Variants in AOX1 observed in about 807,000 individuals in gnomAD.
The protein encoded by AOX1 is aldehyde oxidase 1.
A neutral mutation model predicts 169.5 loss-of-function variants in AOX1; 153 were observed. The ratio of observed to expected loss-of-function variants is 0.90; its 90% CI spans 0.79 to 1.03. AOX1 has a LOEUF of 1.03. Ranked by LOEUF, AOX1 falls within the 50% of genes least tolerant of loss-of-function variation. The pLI is 0.00. For synonymous variants in AOX1, 562 were observed against 581.9 expected (o/e 0.97, Z 0.49); for missense variants, 1,656 against 1,663.9 (o/e 1.00, Z 0.08).
In AOX1 at chr2:200,621,202, T is replaced by C; in HGVS notation, c.1957T>C (p.Phe653Leu). 1.2e-6 allele frequency: 2 copies of C among 1,613,994 alleles called. No homozygotes were observed. The highest frequency in any genetic ancestry group is 2.2e-5 in the East Asian group (1 of 44,880). ...TAEHLSDVNS[F>L]CFFTEAEKFL... ...AGAACATCTTAGTGACGTCAACTCC[T>C]TCTGCTTTTTTACTGAAGCTGAGAA... Residue 653 changes from phenylalanine to leucine, a missense_variant, in exon 18 of 35, where the codon TTC becomes CTC. Physicochemically the swap from Phe to Leu is conservative, Grantham distance 22. Transcript: ENST00000374700.
chr2:200,602,008 G>C (rs1315727798), intron 5 of AOX1, among the ~76,000 whole-genome samples: 2 of 151,754 alleles, frequency 1.3e-5, no homozygotes, highest in African/African-American at 4.8e-5. Context: ...CAAGTTTTTG[G>C]TTTGAAATTA....
Position 200,657,173 on chromosome 2 carries a change from T to A in AOX1, c.3171+236T>A, listed in dbSNP as rs1331828971. ...ATTCCATCTCTACCAAAAATATATA[T>A]ATATATATATATATATATTTTTTTT... On this transcript the variant is annotated intron_variant, in intron 27 of 34. Coordinates refer to ENST00000374700, the MANE Select transcript of AOX1 (RefSeq NM_001159.4). Among the ~76,000 whole-genome samples, 73 of 55,820 alleles carry A rather than the reference T, an allele frequency of 1.3e-3. 2 individuals are homozygous for A. In the East Asian group the frequency reaches 0.02, roughly 15 times the overall value. The allele number at this position is 55,820 out of a possible 152,430, so 36.6% of individuals were successfully genotyped here.
intron 27 of AOX1, among the ~76,000 whole-genome samples, chr2:200,657,165 A>AATATATATATATATATATATATATAT (rs1553578034): frequency 1.1e-5 from 1 of 88,406 alleles, no homozygotes; most frequent in Non-Finnish European, 2.0e-5. Context: ...CTCTACCAAA[A>AATATATATATATATATATATATATAT]ATATATATAT....
rs74937033 is a variant in AOX1 at position 200,638,212 on chromosome 2, T to C, written c.2481-3T>C. 6.2e-7 allele frequency: 1 copy of C among 1,613,258 alleles called. No individual in the cohort carries two copies. The highest frequency in any genetic ancestry group is 1.3e-5 in the African/African-American group (1 of 75,028). On this transcript the variant is annotated splice_polypyrimidine_tract_variant and splice_region_variant and intron_variant, in intron 22 of 34. Coordinates refer to ENST00000374700, the MANE Select transcript of AOX1 (RefSeq NM_001159.4). ...TACCTCACTTACTTTTTTTCTGTTTTAGACATGGCCGTGCAGTTCGCTGTG... is the reference window on the plus strand; with the variant it reads ...TACCTCACTTACTTTTTTTCTGTTTCAGACATGGCCGTGCAGTTCGCTGTG...
At chr2:200,641,462 A>G (rs2035350491) in intron 24 of AOX1, among the ~76,000 whole-genome samples, 1 of 151,976 alleles carries the variant, frequency 6.6e-6, no homozygotes, top group African/African-American at 2.4e-5. Context: ...CCCTATTGAC[A>G]TTTTGGAGTG....
rs575926942 is a variant in AOX1, at chr2:200,620,763, G to A, written c.1818G>A (p.Val606=). ...TCTACTGTGATGACATGCCTCTGGT[G>A]GACCAGGAACTTTTCTTGACTTTTG... ...EAIYCDDMPL[V]DQELFLTFVT... Residue 606 remains valine (V), a synonymous_variant, in exon 17 of 35, where the codon GTG becomes GTA. Transcript: ENST00000374700. 379 of 1,609,302 alleles carry A rather than the reference G, an allele frequency of 2.4e-4. 4 individuals carry two copies. The South Asian group carries it at 4.1e-3, about 17-fold the overall frequency.
At chr2:200,588,641 C>T (rs529770637) in intron 1 of AOX1, among the ~76,000 whole-genome samples, 1 of 150,782 alleles carries the variant, frequency 6.6e-6, no homozygotes, top group Non-Finnish European at 1.5e-5. Context: ...CCCTTTCCTT[C>T]TCCTCCCTTC....
intron 16 of AOX1, among the ~76,000 whole-genome samples, chr2:200,617,302 A>C (rs936757073): frequency 5.3e-5 from 8 of 152,104 alleles, no homozygotes; most frequent in African/African-American, 1.9e-4. Flanking sequence ...AGCACTCACG[A>C]AGAGCATTTT....
chr2:200,593,628 A>G (rs1485003082), intron 2 of AOX1, among the ~76,000 whole-genome samples: 1 of 152,234 alleles, frequency 6.6e-6, no homozygotes, highest in African/African-American at 2.4e-5. Flanking sequence ...AAACTTGCCA[A>G]ATAAATGCCA....
At chr2:200,625,715 T>C (rs542012955) in intron 19 of AOX1, among the ~76,000 whole-genome samples, 5 of 152,290 alleles carry the variant, frequency 3.3e-5, no homozygotes, top group East Asian at 1.9e-4. Flanking sequence ...GCCAGTGAAG[T>C]TGAAAAAGAT....
At chr2:200,637,995 C>T (rs2035271044) in intron 22 of AOX1, 3 of 435,842 alleles carry the variant, frequency 6.9e-6, no homozygotes, top group Admixed American at 3.4e-5. Context: ...CCAAGAGCCT[C>T]TGTCCCACAA....
chr2:200,673,285 C>T (rs918185696), downstream of AOX1, among the ~76,000 whole-genome samples: 2 of 152,176 alleles, frequency 1.3e-5, no homozygotes, highest in Admixed American at 1.3e-4. Context: ...CTCTGTAAAC[C>T]CAACTCTTGC....
At chr2:200,623,713 A>C in intron 18 of AOX1, 148 bp from the exon 19 acceptor site, 1 of 1,212,694 alleles carries the variant, frequency 8.2e-7, no homozygotes, top group Non-Finnish European at 1.2e-6. Flanking sequence ...CTGTGGTTAT[A>C]GTCATGGACA....
intron 25 of AOX1, among the ~76,000 whole-genome samples, chr2:200,643,345 A>G (rs781318724): frequency 5.9e-5 from 9 of 151,438 alleles, no homozygotes; most frequent in Non-Finnish European, 1.0e-4. Flanking sequence ...GTGTATGTAT[A>G]TACATATACA....
At chr2:200,670,245 T>C (rs1439497999) in intron 34 of AOX1, among the ~76,000 whole-genome samples, 1 of 152,176 alleles carries the variant, frequency 6.6e-6, no homozygotes, top group East Asian at 1.9e-4. Flanking sequence ...ACAGGGTTTT[T>C]AATTGTGGAA....
chr2:200,659,348 T>G, intron 28 of AOX1, 55 bp downstream of exon 28: 1 of 1,568,530 alleles, frequency 6.4e-7, no homozygotes, highest in Non-Finnish European at 8.7e-7. Context: ...GCCAAATACG[T>G]GGGTGGGTGG....
intron 13 of AOX1, 70 bp downstream of exon 13, chr2:200,611,563 G>A (rs2034642540): frequency 4.9e-6 from 5 of 1,011,840 alleles, no homozygotes; most frequent in Admixed American, 1.8e-5. Flanking sequence ...CCAGTATATG[G>A]TGGAATAAGA....
chr2:200,623,310 C>T (rs1313427734), intron 18 of AOX1, among the ~76,000 whole-genome samples: 2 of 152,202 alleles, frequency 1.3e-5, no homozygotes, highest in African/African-American at 2.4e-5. Context: ...GCTGTCAACC[C>T]CCCCAGGAAG....
At chr2:200,629,283 T>G (rs1197125476) in intron 20 of AOX1, among the ~76,000 whole-genome samples, 1 of 152,202 alleles carries the variant, frequency 6.6e-6, no homozygotes, top group Non-Finnish European at 1.5e-5. Context: ...GTTTTAATAT[T>G]ACATGGATAA....
Sources: allele counts gnomAD v4.1 joint callset (sites outside exome capture counted in the v4.1 genomes callset), GRCh38; gene constraint gnomAD v4.1.1; transcripts MANE v1.5; gene names NCBI Gene and HGNC (gene_info 2026-07-23, HGNC 2026-07-21).